Variants in MAPK14 observed in about 807,000 individuals in gnomAD.
MAPK14 encodes the protein CSAID-binding protein.
In MAPK14, 16 loss-of-function variants were observed where a neutral mutation model predicts 49.6. The ratio of observed to expected loss-of-function variants is 0.32; its 90% confidence interval spans 0.22 to 0.49. The LOEUF (loss-of-function observed/expected upper bound fraction) is 0.49, where lower values mean the gene tolerates loss of function less well. MAPK14 is among the 20% of genes least tolerant of loss of function. The pLI is 0.99. For synonymous variants in MAPK14, 142 were observed against 158.0 expected, an observed-to-expected ratio of 0.90 and a Z score of 0.76; for missense variants, 200 against 441.2, an observed-to-expected ratio of 0.45 and a Z score of 4.90.
chr6:36,049,266 G>C (rs1271558200), intron 1 of MAPK14, among the ~76,000 whole-genome samples: 1 of 152,140 alleles, frequency 6.6e-6, no homozygotes, highest in Non-Finnish European at 1.5e-5. Flanking sequence ...TGGAAATCTT[G>C]TCAAAAAGTA....
At chr6:36,116,910 T>C in the MAPK14 span, among the ~76,000 whole-genome samples, 1 of 152,250 alleles carries the variant, frequency 6.6e-6, no homozygotes, top group South Asian at 2.1e-4. Context: ...CAACTGAGGC[T>C]AGATTCAACA....
chr6:36,121,268 T>G, the MAPK14 span, among the ~76,000 whole-genome samples: 7 of 152,138 alleles, frequency 4.6e-5, no homozygotes, highest in South Asian at 1.5e-3. Context: ...GACTAAGAAG[T>G]TTAATCTTTA....
At chr6:36,087,711 C>A (rs921216658) in intron 8 of MAPK14, among the ~76,000 whole-genome samples, 17 of 152,126 alleles carry the variant, frequency 1.1e-4, no homozygotes, top group Non-Finnish European at 2.9e-5. Flanking sequence ...GGCCATATTG[C>A]CCAAAGTAAT....
rs936969535 is a variant in MAPK14 at position 36,107,063 on chromosome 6, G to T, written c.842-392G>T. The stretch of plus-strand genomic sequence containing the variant: ...AGTCATTTAAAAAAATTCTTCTTTA[G>T]TAACATATTCTTTAAAAATACAAAA... On this transcript the variant is annotated intron_variant, in intron 10 of 11. Transcript: ENST00000229794. The surrounding 1 kb of genome is among the most constrained non-coding windows in gnomAD (Gnocchi z 4.3). Among the ~76,000 whole-genome samples, 4 of 152,086 alleles carry T rather than the reference G, an allele frequency of 2.6e-5. No individual in the cohort carries two copies. The highest frequency in any genetic ancestry group is 4.4e-5 in the Non-Finnish European group (3 of 68,018).
intron 5 of MAPK14, 34 bp downstream of exon 5, chr6:36,073,754 G>A: frequency 6.2e-7 from 1 of 1,601,864 alleles, no homozygotes; most frequent in South Asian, 1.1e-5. Context: ...ATTATTTTGG[G>A]GAAGTGGGGT....
In MAPK14 at chr6:36,088,433, T is replaced by C. The variant is rs374307783; in HGVS notation, c.683-7554T>C. Among the ~76,000 whole-genome samples, 58 of 152,244 alleles carry C rather than the reference T, an allele frequency of 3.8e-4. No individual in the cohort carries two copies. In the Middle Eastern group the frequency reaches 0.014, roughly 36 times the overall value. On this transcript the variant is annotated intron_variant, in intron 8 of 11. Coordinates refer to ENST00000229794, the MANE Select transcript of MAPK14 (RefSeq NM_139012.3). ...ACAAGGAAAAAACCCATTAAAAAGTTGGCAAAGGGCCAGGCACAGTGACTC... is the reference window on the plus strand; with the variant it reads ...ACAAGGAAAAAACCCATTAAAAAGTCGGCAAAGGGCCAGGCACAGTGACTC...
chr6:36,100,318 C>A lies in MAPK14; in HGVS notation c.763-2253C>A. On this transcript the variant is annotated intron_variant, in intron 9 of 11. Coordinates refer to ENST00000229794, the MANE Select transcript of MAPK14 (RefSeq NM_139012.3). ...ATGTCGCACTGAGAAGCCACATTCTCATTTTATTGCCACCGTATAACCAAC... is the reference window on the plus strand; with the variant it reads ...ATGTCGCACTGAGAAGCCACATTCTAATTTTATTGCCACCGTATAACCAAC... 3 of 1,315,730 alleles carry A rather than the reference C, an allele frequency of 2.3e-6. No homozygotes were observed. The South Asian group carries it at 3.5e-5, about 15-fold the overall frequency. 81.5% of individuals were successfully genotyped at this position (1,315,730 alleles called of 1,614,324 possible).
chr6:36,114,276 T>C (rs558176549), downstream of MAPK14, among the ~76,000 whole-genome samples: 2 of 152,278 alleles, frequency 1.3e-5, no homozygotes, highest in East Asian at 3.9e-4. Flanking sequence ...CAAAGCCTCT[T>C]TTCTTGAAAA....
At chr6:36,081,473 C>A (rs139421912) in intron 8 of MAPK14, among the ~76,000 whole-genome samples, 1 of 152,156 alleles carries the variant, frequency 6.6e-6, no homozygotes, top group African/African-American at 2.4e-5. Context: ...ACATGATACC[C>A]TAGGATTTCT....
At chr6:36,124,146 C>CCTT in the MAPK14 span, among the ~76,000 whole-genome samples, 12 of 41,636 alleles carry the variant, frequency 2.9e-4, no homozygotes, top group African/African-American at 1.1e-3. Context: ...CTCCCTCCCT[C>CCTT]CCTCCCTTCC....
At chr6:36,102,685 G>A in intron 10 of MAPK14, 36 bp downstream of exon 10, 1 of 1,609,946 alleles carries the variant, frequency 6.2e-7, no homozygotes, top group South Asian at 1.1e-5. Flanking sequence ...CATGGATATT[G>A]AATTGGTTAT....
chr6:36,079,359 C>A (rs1764654807), intron 8 of MAPK14, among the ~76,000 whole-genome samples: 1 of 152,178 alleles, frequency 6.6e-6, no homozygotes, highest in African/African-American at 2.4e-5. Flanking sequence ...GAAAGACATG[C>A]ACCTGTCACT....
intron 10 of MAPK14, among the ~76,000 whole-genome samples, chr6:36,103,263 T>G (rs1004021354): frequency 2.6e-5 from 4 of 152,130 alleles, no homozygotes; most frequent in African/African-American, 9.7e-5. Flanking sequence ...CAGAGGGAAG[T>G]GATGGTGGCA....
downstream of MAPK14, among the ~76,000 whole-genome samples, chr6:36,113,926 G>C (rs1344161714): frequency 2.0e-5 from 3 of 152,226 alleles, no homozygotes; most frequent in Non-Finnish European, 4.4e-5. Flanking sequence ...CCAGTACTTT[G>C]TAGCGGCATT....
the MAPK14 span, among the ~76,000 whole-genome samples, chr6:36,120,604 G>A: frequency 8.6e-5 from 13 of 151,884 alleles, no homozygotes; most frequent in African/African-American, 3.1e-4. Flanking sequence ...TGTATCCCCC[G>A]GCTGTTTTCG....
At chr6:36,030,463 G>A (rs1762495278) in intron 1 of MAPK14, among the ~76,000 whole-genome samples, 2 of 152,230 alleles carry the variant, frequency 1.3e-5, no homozygotes, top group African/African-American at 4.8e-5. Flanking sequence ...CGAGGCGGGT[G>A]GATCACAGCG....
chr6:36,059,586 A>G (rs1005458936), intron 3 of MAPK14, among the ~76,000 whole-genome samples: 1 of 152,220 alleles, frequency 6.6e-6, no homozygotes, highest in Non-Finnish European at 1.5e-5. Context: ...GAATTCTTAC[A>G]AAAGTTCCAT....
intron 10 of MAPK14, among the ~76,000 whole-genome samples, chr6:36,104,342 T>C (rs1259316944): frequency 6.6e-6 from 1 of 152,176 alleles, no homozygotes; most frequent in Non-Finnish European, 1.5e-5. Context: ...GAAGCTCTCT[T>C]TGAGCCTTAA....
Position 36,109,789 on chromosome 6 carries a change from A to C in MAPK14, c.*1342A>C, listed in dbSNP as rs1274531185. 2.6e-5 allele frequency: 4 copies of C among 152,668 alleles called. No individual in the cohort carries two copies. 9.5% of individuals were successfully genotyped at this position (152,668 alleles called of 1,614,324 possible). On this transcript the variant is annotated 3_prime_UTR_variant, in exon 12 of 12. Coordinates refer to ENST00000229794, the MANE Select transcript of MAPK14 (RefSeq NM_139012.3). ...TGCTGAAAATCAAAGTAAAAAATTA[A>C]AGCCCATAAGGCCAGAAACTCCTTT...
Sources: allele counts gnomAD v4.1 joint callset (sites outside exome capture counted in the v4.1 genomes callset), GRCh38; gene constraint gnomAD v4.1.1; non-coding constraint Gnocchi (gnomAD v3.1); transcripts MANE v1.5; gene names NCBI Gene and HGNC (gene_info 2026-07-23, HGNC 2026-07-21).